The following TBC1D5 variants were observed in gnomAD, a reference collection of about 807,000 sequenced individuals.
The protein encoded by TBC1D5 is TBC1 domain family, member 5.
TBC1D5 carries 75 observed loss-of-function variants against 100.3 expected under a neutral mutation model. The observed-to-expected ratio is 0.75, with a 90% CI of 0.62 to 0.91. The LOEUF (loss-of-function observed/expected upper bound fraction) is 0.91, where lower values mean the gene tolerates loss of function less well. TBC1D5 is among the 40% of genes least tolerant of loss of function. The probability of loss-of-function intolerance (pLI) is 0.00; values close to 1 mark genes in which losing one functional copy is unlikely to be tolerated. For missense variants in TBC1D5, 910 were observed against 942.4 expected, an observed-to-expected ratio of 0.97 and a Z score of 0.45; for synonymous variants, 323 against 325.6, an observed-to-expected ratio of 0.99 and a Z score of 0.09.
chr3:17,225,955 C>T (rs1357208317), intron 17 of TBC1D5, among the ~76,000 whole-genome samples: 1 of 152,012 alleles, frequency 6.6e-6, no homozygotes, highest in African/African-American at 2.4e-5. Flanking sequence ...TATGAAAACC[C>T]TATACCATTT....
chr3:17,221,949 CCTT>C (rs1263119794), intron 17 of TBC1D5, among the ~76,000 whole-genome samples: 2 of 152,166 alleles, frequency 1.3e-5, no homozygotes, highest in Non-Finnish European at 2.9e-5. Context: ...AGCAACTTAT[CCTT>C]CTTCTGTATC....
chr3:17,504,289 G>T (rs1216822141), intron 3 of TBC1D5, among the ~76,000 whole-genome samples: 4 of 16,454 alleles, frequency 2.4e-4, no homozygotes, highest in Non-Finnish European at 5.8e-4. Flanking sequence ...GGGGTGGGGG[G>T]AGGGGGGAGG....
intron 3 of TBC1D5, among the ~76,000 whole-genome samples, chr3:17,429,941 A>G (rs971070585): frequency 6.9e-6 from 1 of 144,144 alleles, no homozygotes; most frequent in African/African-American, 2.6e-5. Context: ...AAAACAAAAA[A>G]TCCTAAAATG....
intron 21 of TBC1D5, among the ~76,000 whole-genome samples, chr3:17,166,562 C>T (rs1030724598): frequency 6.6e-6 from 1 of 152,240 alleles, no homozygotes; most frequent in Non-Finnish European, 1.5e-5. Flanking sequence ...CTCTAGGAGA[C>T]ACTTGTCTTA....
chr3:17,697,099 A>G (rs1348247806), intron 1 of TBC1D5, among the ~76,000 whole-genome samples: 2 of 152,236 alleles, frequency 1.3e-5, no homozygotes, highest in Non-Finnish European at 2.9e-5. Context: ...TTGATGGAAC[A>G]TATCACAAAA....
chr3:17,651,019 A>G (rs540142576), intron 1 of TBC1D5, among the ~76,000 whole-genome samples: 2 of 152,312 alleles, frequency 1.3e-5, no homozygotes, highest in East Asian at 3.9e-4. Flanking sequence ...TGGCAACAAT[A>G]CTATTATTGG....
chr3:17,345,259 G>A (rs1433927164), intron 13 of TBC1D5, among the ~76,000 whole-genome samples: 1 of 152,158 alleles, frequency 6.6e-6, no homozygotes, highest in Non-Finnish European at 1.5e-5. Context: ...AGTGGGCAAA[G>A]GATATGAACA....
intron 13 of TBC1D5, among the ~76,000 whole-genome samples, chr3:17,359,244 T>C (rs1325246028): frequency 1.3e-5 from 2 of 152,102 alleles, no homozygotes; most frequent in African/African-American, 4.8e-5. Flanking sequence ...TCCTTTATAA[T>C]AGAGTGTAAT....
chr3:17,418,767 A>G (rs2094142653), intron 4 of TBC1D5, among the ~76,000 whole-genome samples: 2 of 152,206 alleles, frequency 1.3e-5, no homozygotes, highest in South Asian at 4.1e-4. Context: ...TTCATAGGTA[A>G]GGGCATAATT....
intron 16 of TBC1D5, 56 bp from the exon 17 acceptor site, chr3:17,238,475 ACAT>A: frequency 1.3e-6 from 2 of 1,550,318 alleles, no homozygotes; most frequent in Non-Finnish European, 1.7e-6. Flanking sequence ...ATTCTATTTC[ACAT>A]AATTAATTGG....
chr3:17,401,332 CATATATGTATAATATACAT>C (rs1197175045), intron 8 of TBC1D5, among the ~76,000 whole-genome samples: 629 of 12,980 alleles, frequency 0.048, 91 homozygotes, highest in African/African-American at 0.4. Context: ...GTATAATATA[CATATATGTATAATATACAT>C]ATATATGTAT....
chr3:17,203,902 ACTGT>A (rs1236616136), intron 18 of TBC1D5, among the ~76,000 whole-genome samples: 1 of 152,180 alleles, frequency 6.6e-6, no homozygotes, highest in East Asian at 1.9e-4. Flanking sequence ...CCTTCAACTG[ACTGT>A]CTGGGTATAG....
chr3:17,276,472 G>A (rs2080026339), intron 15 of TBC1D5, among the ~76,000 whole-genome samples: 1 of 152,202 alleles, frequency 6.6e-6, no homozygotes, highest in African/African-American at 2.4e-5. Context: ...CCCCACTGCA[G>A]ACTGAGAAAG....
At chr3:17,484,703 T>C (rs1339313336) in intron 3 of TBC1D5, among the ~76,000 whole-genome samples, 3 of 151,998 alleles carry the variant, frequency 2.0e-5, no homozygotes, top group Admixed American at 6.6e-5. Flanking sequence ...CAGGGTGGTC[T>C]TCCACTCTGG....
At chr3:17,279,203 C>A (rs1223080369) in intron 15 of TBC1D5, among the ~76,000 whole-genome samples, 1 of 152,194 alleles carries the variant, frequency 6.6e-6, no homozygotes, top group Non-Finnish European at 1.5e-5. Flanking sequence ...TTTGGCAATT[C>A]TTTTAAGTTC....
At chr3:17,448,145 A>G (rs2094841821) in intron 3 of TBC1D5, among the ~76,000 whole-genome samples, 1 of 152,202 alleles carries the variant, frequency 6.6e-6, no homozygotes, top group Admixed American at 6.5e-5. Context: ...ATCCAAAAGA[A>G]GCAACTCCTC....
intron 2 of TBC1D5, among the ~76,000 whole-genome samples, chr3:17,593,822 C>T (rs969623794): frequency 6.6e-6 from 1 of 152,114 alleles, no homozygotes; most frequent in Non-Finnish European, 1.5e-5. Context: ...ATTACAACGC[C>T]AACTAGGTGA....
At chr3:17,468,291 T>G (rs564780355) in intron 3 of TBC1D5, among the ~76,000 whole-genome samples, 3 of 152,182 alleles carry the variant, frequency 2.0e-5, no homozygotes, top group Non-Finnish European at 4.4e-5. Context: ...GCTCTTACCC[T>G]AGGACCTTTA....
At chr3:17,600,832 GA>G (rs1046492667) in intron 2 of TBC1D5, among the ~76,000 whole-genome samples, 41 of 151,886 alleles carry the variant, frequency 2.7e-4, no homozygotes, top group Non-Finnish European at 5.0e-4. Flanking sequence ...CCGGGCGGGG[GA>G]AAAAAACTGC....
Sources: gnomAD v4.1 joint callset for allele counts (sites outside exome capture counted in the v4.1 genomes callset) on GRCh38, gnomAD v4.1.1 for gene constraint, MANE v1.5 for transcripts, NCBI Gene and HGNC (gene_info 2026-07-23, HGNC 2026-07-21) for gene names.